BIRC6: variants seen among roughly 807,000 people sequenced by gnomAD.
BIRC6 encodes baculoviral IAP repeat containing 6.
BIRC6 carries 98 observed loss-of-function variants against 503.3 expected under a neutral mutation model. The observed-to-expected ratio is 0.19, with a 90% CI of 0.17 to 0.23. The LOEUF (loss-of-function observed/expected upper bound fraction) is 0.23. Among genes scored for constraint, BIRC6 ranks in the 10% least tolerant of loss-of-function variants. The probability of loss-of-function intolerance (pLI) is 1.00; values close to 1 mark genes in which losing one functional copy is unlikely to be tolerated. For missense variants in BIRC6, 5,360 were observed against 5,806.0 expected, an observed-to-expected ratio of 0.92 and a Z score of 2.50; for synonymous variants, 2,240 against 2,078.7, an observed-to-expected ratio of 1.08 and a Z score of -2.11.
At chr2:32,594,531 C>T (rs1013286365) in intron 67 of BIRC6, among the ~76,000 whole-genome samples, 4 of 152,090 alleles carry the variant, frequency 2.6e-5, no homozygotes, top group Non-Finnish European at 4.4e-5. Context: ...CCCGTCTCTA[C>T]GAAATACAGG....
At chr2:32,559,353 C>T (rs1366134505) in intron 65 of BIRC6, among the ~76,000 whole-genome samples, 2 of 152,204 alleles carry the variant, frequency 1.3e-5, no homozygotes, top group Non-Finnish European at 2.9e-5. Flanking sequence ...CACTTGGAGA[C>T]ATGGTGTTGC....
chr2:32,554,661 C>G (rs1457588098), intron 65 of BIRC6, among the ~76,000 whole-genome samples: 1 of 151,966 alleles, frequency 6.6e-6, no homozygotes, highest in Non-Finnish European at 1.5e-5. Context: ...AGTTTTATAA[C>G]AAACTATAAT....
intron 5 of BIRC6, 36 bp from the exon 6 acceptor site, chr2:32,395,475 T>G: frequency 6.9e-7 from 1 of 1,447,274 alleles, no homozygotes; most frequent in East Asian, 2.3e-5. Flanking sequence ...TAATAATGAT[T>G]TACCTTTTCT....
intron 16 of BIRC6, among the ~76,000 whole-genome samples, 175 bp downstream of exon 16, chr2:32,439,861 A>G (rs1414605274): frequency 1.3e-5 from 2 of 152,076 alleles, no homozygotes; most frequent in African/African-American, 4.8e-5. Context: ...TGTTTGAGTT[A>G]ACTTTATTAT....
chr2:32,370,829 T>G (rs1351232711), intron 1 of BIRC6, among the ~76,000 whole-genome samples: 2 of 152,152 alleles, frequency 1.3e-5, no homozygotes, highest in Admixed American at 1.3e-4. Context: ...AATAGGCTAT[T>G]TTAAAATAGC....
intron 66 of BIRC6, among the ~76,000 whole-genome samples, chr2:32,592,140 CAT>C (rs1447882858): frequency 1.3e-5 from 2 of 152,146 alleles, no homozygotes; most frequent in African/African-American, 2.4e-5. Context: ...TATGCAAAAA[CAT>C]ATATTCAGAT....
At chr2:32,464,967 GAGA>G in intron 25 of BIRC6, 95 bp from the exon 26 acceptor site, 1 of 1,310,492 alleles carries the variant, frequency 7.6e-7, no homozygotes, top group Non-Finnish European at 1.0e-6. Context: ...CATACATTAA[GAGA>G]AGAAACTTAT....
At chr2:32,360,297 A>T (rs2033856430) in intron 1 of BIRC6, among the ~76,000 whole-genome samples, 1 of 152,190 alleles carries the variant, frequency 6.6e-6, no homozygotes, top group African/African-American at 2.4e-5. Flanking sequence ...TGAATTTTTA[A>T]CTATGACTAC....
rs755308593 is a variant in BIRC6, at chr2:32,509,869, G to A, written c.10112G>A (p.Cys3371Tyr). 6.2e-7 allele frequency: 1 copy of A among 1,613,928 alleles called. No individual in the cohort carries two copies. The highest frequency in any genetic ancestry group is 1.1e-5 in the South Asian group (1 of 91,078). Residue 3371 changes from cysteine to tyrosine, a missense_variant, in exon 52 of 74, where the codon TGT (cysteine) becomes TAT (tyrosine). Physicochemically the swap from Cys to Tyr is radical, Grantham distance 194. This residue lies in a region of BIRC6 where 878 missense variants were observed against 928.9 expected (regional missense o/e 0.95). Coordinates refer to ENST00000421745, the MANE Select transcript of BIRC6 (RefSeq NM_016252.4). Reference sequence around the variant, plus strand: ...GCGGCCTTATTGATGTCACCTTACTGTGGAATGCATTCACCCAACATCGAG... The same window carrying A: ...GCGGCCTTATTGATGTCACCTTACTATGGAATGCATTCACCCAACATCGAG... ...TCAALLMSPY[C>Y]GMHSPNIEVV...
In BIRC6 at chr2:32,582,097, G is replaced by A. The variant is rs377761294; in HGVS notation, c.13355+6731G>A. 1.4e-4 allele frequency among the ~76,000 whole-genome samples: 21 copies of A among 152,258 alleles called. 1 individual carries two copies. In the East Asian group the frequency reaches 2.3e-3, roughly 17 times the overall value. On this transcript the variant is annotated intron_variant, in intron 66 of 73. Coordinates refer to ENST00000421745, the MANE Select transcript of BIRC6 (RefSeq NM_016252.4). Reference sequence around the variant, plus strand: ...TGGTCTTGAACTCCTGACCTCAAGTGATCTGCCCCCCTCCGCCTCCCAAAG... The same window carrying A: ...TGGTCTTGAACTCCTGACCTCAAGTAATCTGCCCCCCTCCGCCTCCCAAAG...
At chr2:32,369,514 G>A (rs1006626754) in intron 1 of BIRC6, among the ~76,000 whole-genome samples, 5 of 142,110 alleles carry the variant, frequency 3.5e-5, no homozygotes, top group Admixed American at 2.2e-4. Flanking sequence ...TACACCCTCC[G>A]CCTCCCGGGT....
intron 23 of BIRC6, among the ~76,000 whole-genome samples, chr2:32,461,062 C>CTTCTCTTCTCTTCTG: frequency 1.9e-5 from 1 of 52,538 alleles, no homozygotes; most frequent in African/African-American, 6.0e-5. Flanking sequence ...CTTCTCTTCT[C>CTTCTCTTCTCTTCTG]TTCTGTTCTC....
chr2:32,510,766 G>T (rs2054305146), intron 53 of BIRC6, 132 bp downstream of exon 53: 2 of 608,870 alleles, frequency 3.3e-6, no homozygotes, highest in Non-Finnish European at 5.7e-6. Context: ...TTTACCATAT[G>T]CCTCACACGA....
At chr2:32,611,036 A>G (rs1354976294) in intron 72 of BIRC6, among the ~76,000 whole-genome samples, 1 of 151,890 alleles carries the variant, frequency 6.6e-6, no homozygotes, top group Non-Finnish European at 1.5e-5. Context: ...TAAATTTCAT[A>G]TATTTCAACA....
rs1277866955 is a variant in BIRC6, at chr2:32,515,508, G to C, written c.11087G>C (p.Ser3696Thr). The C allele has an allele frequency of 1.2e-6, 2 of 1,613,924 alleles. No individual in the cohort carries two copies. Among genetic ancestry groups the C allele is most frequent in the East Asian group, 4.5e-5 (2 of 44,872 alleles). The change falls in exon 55 of 74, where the codon AGC (serine) becomes ACC (threonine). Residue 3696 changes from serine (S) to threonine (T), a missense_variant. This residue lies in a region of BIRC6 where 878 missense variants were observed against 928.9 expected (regional missense o/e 0.95). Transcript: ENST00000421745. ...AGGTTTTTGACAGAAGTTGGCAATAGCCATATTATGAAAGATTGGCTTGGT... is the reference window on the plus strand; with the variant it reads ...AGGTTTTTGACAGAAGTTGGCAATACCCATATTATGAAAGATTGGCTTGGT... ...ILRFLTEVGN[S>T]HIMKDWLGGS... is the part of the protein sequence containing the mutation.
At chr2:32,380,381 GTTCTAA>G in intron 3 of BIRC6, 91 bp downstream of exon 3, 1 of 1,405,156 alleles carries the variant, frequency 7.1e-7, no homozygotes, top group Non-Finnish European at 9.3e-7. Flanking sequence ...TTTTGGAAAT[GTTCTAA>G]TTCTAGATTT....
At chr2:32,480,407 T>G (rs1342122301) in intron 37 of BIRC6, among the ~76,000 whole-genome samples, 1 of 152,106 alleles carries the variant, frequency 6.6e-6, no homozygotes, top group Non-Finnish European at 1.5e-5. Context: ...ATTGGAGAGT[T>G]TTATTAATCT....
chr2:32,534,878 A>G (rs561585558), intron 61 of BIRC6, among the ~76,000 whole-genome samples: 1 of 151,982 alleles, frequency 6.6e-6, no homozygotes, highest in Non-Finnish European at 1.5e-5. Flanking sequence ...GTGAGTTGAA[A>G]CATGGACAGA....
intron 5 of BIRC6, among the ~76,000 whole-genome samples, 159 bp from the exon 6 acceptor site, chr2:32,395,352 A>G (rs1462624379): frequency 6.6e-6 from 1 of 152,156 alleles, no homozygotes; most frequent in Non-Finnish European, 1.5e-5. Flanking sequence ...AAATATTTGG[A>G]GGTTTCAGTG....
Sources: allele counts gnomAD v4.1 joint callset (sites outside exome capture counted in the v4.1 genomes callset), GRCh38; gene constraint gnomAD v4.1.1; regional missense constraint gnomAD v4.1.1; transcripts MANE v1.5; gene names NCBI Gene and HGNC (gene_info 2026-07-23, HGNC 2026-07-21).